The following ZDHHC7 variants were observed in gnomAD, a reference collection of about 807,000 sequenced individuals.
ZDHHC7 encodes zDHHC palmitoyltransferase 7.
Under a neutral mutation model 34.1 loss-of-function variants are expected in ZDHHC7, and 12 were observed. The ratio of observed to expected loss-of-function variants is 0.35; its 90% CI spans 0.23 to 0.57. ZDHHC7 has a LOEUF of 0.57. ZDHHC7 is among the 20% of genes least tolerant of loss of function. The pLI, the probability that ZDHHC7 is intolerant of heterozygous loss-of-function variation, is 0.84. For missense variants in ZDHHC7, 388 were observed against 402.7 expected, an observed-to-expected ratio of 0.96 and a Z score of 0.31; for synonymous variants, 185 against 155.4, an observed-to-expected ratio of 1.19 and a Z score of -1.42.
At chr16:85,003,844 A>T (rs1419651274) in intron 1 of ZDHHC7, among the ~76,000 whole-genome samples, 3 of 152,090 alleles carry the variant, frequency 2.0e-5, no homozygotes, top group African/African-American at 7.2e-5. Context: ...CACCAGTCTC[A>T]GGAGTGAGGG....
chr16:84,991,246 T>A (rs1026172358), intron 2 of ZDHHC7, among the ~76,000 whole-genome samples: 11 of 152,182 alleles, frequency 7.2e-5, no homozygotes, highest in African/African-American at 2.7e-4. Flanking sequence ...ATATCTCTGT[T>A]CCTTGACACT....
intron 1 of ZDHHC7, among the ~76,000 whole-genome samples, chr16:85,011,080 G>C (rs1406261019): frequency 6.6e-6 from 1 of 152,254 alleles, no homozygotes; most frequent in Non-Finnish European, 1.5e-5. Flanking sequence ...TCCCGAGAGA[G>C]CAACTAAGGA....
upstream of ZDHHC7, among the ~76,000 whole-genome samples, chr16:85,015,696 T>C (rs973172358): frequency 6.6e-5 from 10 of 152,016 alleles, no homozygotes; most frequent in Admixed American, 5.9e-4. Context: ...AATTTAAAAA[T>C]TGGCTGGGCG....
At chr16:85,008,616 T>C (rs1377488115) in intron 1 of ZDHHC7, among the ~76,000 whole-genome samples, 1 of 152,004 alleles carries the variant, frequency 6.6e-6, no homozygotes, top group East Asian at 1.9e-4. Context: ...ACAGTCCAGC[T>C]AAACTCTTCT....
chr16:85,019,893 T>C, the ZDHHC7 span, among the ~76,000 whole-genome samples: 3 of 152,134 alleles, frequency 2.0e-5, no homozygotes, highest in Admixed American at 6.6e-5. Context: ...CCGCCCCAAA[T>C]GTGCCTTGAA....
the ZDHHC7 span, among the ~76,000 whole-genome samples, chr16:85,026,802 A>G: frequency 4.6e-5 from 7 of 152,018 alleles, no homozygotes; most frequent in East Asian, 3.9e-4. Context: ...TTAAGGAGCT[A>G]CCAGAAGGAG....
intron 1 of ZDHHC7, among the ~76,000 whole-genome samples, chr16:85,006,363 A>T (rs556480311): frequency 6.6e-6 from 1 of 152,294 alleles, no homozygotes; most frequent in Non-Finnish European, 1.5e-5. Flanking sequence ...TGTCTCAAAA[A>T]AATTAAAAAC....
chr16:84,984,322 G>A (rs1277413254), intron 3 of ZDHHC7, among the ~76,000 whole-genome samples: 1 of 152,090 alleles, frequency 6.6e-6, no homozygotes, highest in Non-Finnish European at 1.5e-5. Flanking sequence ...TGCCTGGCCT[G>A]GAGTCTTCAA....
intron 1 of ZDHHC7, among the ~76,000 whole-genome samples, chr16:85,008,800 T>C (rs1026350572): frequency 2.0e-5 from 3 of 151,150 alleles, no homozygotes; most frequent in Non-Finnish European, 4.4e-5. Context: ...AATCCCACCA[T>C]TCTGGGAGGC....
chr16:84,982,084 C>A, intron 3 of ZDHHC7, 90 bp from the exon 4 acceptor site: 1 of 1,544,294 alleles, frequency 6.5e-7, no homozygotes, highest in Admixed American at 1.7e-5. Flanking sequence ...GTAATCCCAG[C>A]ACTTTGGGAG....
the ZDHHC7 span, among the ~76,000 whole-genome samples, chr16:85,022,726 C>T: frequency 6.6e-6 from 1 of 152,144 alleles, no homozygotes; most frequent in Non-Finnish European, 1.5e-5. Context: ...AAATATATCA[C>T]CATTGGTCAA....
intron 4 of ZDHHC7, among the ~76,000 whole-genome samples, chr16:84,979,948 C>CTTT (rs1567492505): frequency 1.5e-5 from 2 of 135,136 alleles, no homozygotes; most frequent in African/African-American, 5.8e-5. Context: ...CATAGCGTCA[C>CTTT]CTTTTTTTTT....
the ZDHHC7 span, among the ~76,000 whole-genome samples, chr16:85,017,381 A>C: frequency 7.9e-5 from 12 of 152,166 alleles, no homozygotes; most frequent in African/African-American, 2.2e-4. Flanking sequence ...AACGCGGAAC[A>C]ACCGAACTTC....
chr16:84,979,324 T>G (rs1366074869), intron 4 of ZDHHC7, 39 bp from the exon 5 acceptor site: 9 of 1,594,610 alleles, frequency 5.6e-6, no homozygotes, highest in Non-Finnish European at 7.7e-6. Context: ...TTCCATGCTC[T>G]GAGGAAACCA....
At chr16:85,027,509 G>A in the ZDHHC7 span, among the ~76,000 whole-genome samples, 102 of 152,234 alleles carry the variant, frequency 6.7e-4, no homozygotes, top group African/African-American at 2.4e-3. Flanking sequence ...TGTTTGCACC[G>A]GGCCTGCCCC....
the ZDHHC7 span, among the ~76,000 whole-genome samples, chr16:85,020,425 A>G: frequency 6.6e-6 from 1 of 152,340 alleles, no homozygotes; most frequent in East Asian, 1.9e-4. Flanking sequence ...CATAATTGCA[A>G]ACGTGTTTCT....
chr16:84,981,934 C>G lies in ZDHHC7; in HGVS notation c.376G>C (p.Gly126Arg). The change falls in exon 4 of 8, where the codon GGG becomes CGG. Residue 126 changes from glycine to arginine, a missense_variant. Gly to Arg is a moderately radical substitution (Grantham distance 125). Transcript: ENST00000313732. ...EYMESLQLKPGEVIYKCPKCC... is the reference protein window; with the variant it reads ...EYMESLQLKPREVIYKCPKCC... Reference sequence around the variant, plus strand: ...TTGGGGCACTTGTAGATGACTTCCCCGGGCTTCAGCTGCAAGCTCTCCATG... The same window carrying G: ...TTGGGGCACTTGTAGATGACTTCCCGGGGCTTCAGCTGCAAGCTCTCCATG... 1 of 1,614,210 alleles carries G rather than the reference C, an allele frequency of 6.2e-7. No individual in the cohort carries two copies. The highest frequency in any genetic ancestry group is 8.5e-7 in the Non-Finnish European group (1 of 1,180,022).
At chr16:84,981,510 A>G (rs918771227) in intron 4 of ZDHHC7, among the ~76,000 whole-genome samples, 1 of 152,156 alleles carries the variant, frequency 6.6e-6, no homozygotes, top group African/African-American at 2.4e-5. Context: ...TCTGGCCCCC[A>G]CACAGGATGT....
intron 3 of ZDHHC7, among the ~76,000 whole-genome samples, chr16:84,989,546 T>C (rs1337963979): frequency 6.6e-6 from 1 of 151,792 alleles, no homozygotes; most frequent in Non-Finnish European, 1.5e-5. Context: ...ATATACAAAA[T>C]TAGCCAGGCA....
Sources: allele counts gnomAD v4.1 joint callset (sites outside exome capture counted in the v4.1 genomes callset), GRCh38; gene constraint gnomAD v4.1.1; transcripts MANE v1.5; gene names NCBI Gene and HGNC (gene_info 2026-07-23, HGNC 2026-07-21).